Variants in CHST8 observed in about 807,000 individuals in gnomAD.
CHST8 encodes GALNAC-4-ST1.
CHST8 carries 10 observed loss-of-function variants against 15.0 expected under a neutral mutation model. The ratio of observed to expected loss-of-function variants is 0.67; its 90% CI spans 0.41 to 1.13. The LOEUF (loss-of-function observed/expected upper bound fraction) is 1.13, where lower values mean the gene tolerates loss of function less well. Ranked by LOEUF, CHST8 falls within the 50% of genes most tolerant of loss-of-function variation. The pLI, the probability that CHST8 is intolerant of heterozygous loss-of-function variation, is 0.00. For missense variants in CHST8, 634 were observed against 608.2 expected, an observed-to-expected ratio of 1.04 and a Z score of -0.45; for synonymous variants, 259 against 256.6, an observed-to-expected ratio of 1.01 and a Z score of -0.09.
intron 1 of CHST8, among the ~76,000 whole-genome samples, chr19:33,637,735 C>A (rs112361970): frequency 6.9e-6 from 1 of 145,060 alleles, no homozygotes; most frequent in Non-Finnish European, 1.5e-5. Flanking sequence ...TGGTGGCTCA[C>A]GCCTGTAATC....
intron 1 of CHST8, among the ~76,000 whole-genome samples, chr19:33,661,561 A>G (rs1197394723): frequency 6.6e-6 from 1 of 152,040 alleles, no homozygotes; most frequent in African/African-American, 2.4e-5. Context: ...CTAGCCCCCC[A>G]TGGCTGGGCC....
At chr19:33,760,577 C>A (rs1003605221) in intron 3 of CHST8, among the ~76,000 whole-genome samples, 1 of 152,022 alleles carries the variant, frequency 6.6e-6, no homozygotes, top group South Asian at 2.1e-4. Flanking sequence ...ATCTTGGCCT[C>A]CAAAGCACTG....
At chr19:33,752,806 T>C (rs1297190744) in intron 3 of CHST8, among the ~76,000 whole-genome samples, 1 of 152,252 alleles carries the variant, frequency 6.6e-6, no homozygotes, top group Non-Finnish European at 1.5e-5. Flanking sequence ...AGGTTATTTT[T>C]GCTTCTGAAG....
At chr19:33,689,613 G>T (rs1047016987) in intron 3 of CHST8, among the ~76,000 whole-genome samples, 3 of 152,242 alleles carry the variant, frequency 2.0e-5, no homozygotes, top group African/African-American at 7.2e-5. Context: ...CAGCAGGGTG[G>T]CCCCTTTTGG....
intron 2 of CHST8, among the ~76,000 whole-genome samples, chr19:33,670,146 T>C (rs1972718292): frequency 6.6e-6 from 1 of 152,118 alleles, no homozygotes. Flanking sequence ...TTCAACCTTG[T>C]TAGCAAAGTA....
At chr19:33,625,948 T>C (rs1277943574) in intron 1 of CHST8, among the ~76,000 whole-genome samples, 1 of 152,182 alleles carries the variant, frequency 6.6e-6, no homozygotes, top group Non-Finnish European at 1.5e-5. Context: ...TGGCTGGGCA[T>C]GAGCAATCTG....
chr19:33,648,930 G>A (rs544963302), intron 1 of CHST8, among the ~76,000 whole-genome samples: 1 of 87,938 alleles, frequency 1.1e-5, no homozygotes, highest in South Asian at 3.4e-4. Context: ...TTGAGTTGGA[G>A]TCTCGCTTTG....
intron 2 of CHST8, among the ~76,000 whole-genome samples, chr19:33,686,810 C>T (rs1972988457): frequency 6.6e-6 from 1 of 152,178 alleles, no homozygotes; most frequent in Non-Finnish European, 1.5e-5. Flanking sequence ...TGGGGACCAT[C>T]GATGGTATGT....
chr19:33,650,524 T>C (rs1600237036), intron 1 of CHST8, among the ~76,000 whole-genome samples: 2 of 106,634 alleles, frequency 1.9e-5, no homozygotes, highest in Admixed American at 9.2e-5. Flanking sequence ...TTTTCTTTTT[T>C]TTTTTTTTTT....
At chr19:33,765,070 A>ATATATATATATGTATGTATG (rs71181381) in intron 3 of CHST8, among the ~76,000 whole-genome samples, 1 of 113,156 alleles carries the variant, frequency 8.8e-6, no homozygotes, top group African/African-American at 4.2e-5. Flanking sequence ...ATATATATAT[A>ATATATATATATGTATGTATG]TATCAGAGTT....
intron 3 of CHST8, among the ~76,000 whole-genome samples, chr19:33,730,305 T>A (rs144376516): frequency 6.6e-6 from 1 of 152,338 alleles, no homozygotes; most frequent in East Asian, 1.9e-4. Flanking sequence ...GGAAGCAAGG[T>A]TGAAGCAGGG....
chr19:33,718,634 C>T (rs146807494), intron 3 of CHST8, among the ~76,000 whole-genome samples: 1 of 152,370 alleles, frequency 6.6e-6, no homozygotes, highest in Non-Finnish European at 1.5e-5. Context: ...CCATGGGCCC[C>T]TCTGTTTCAT....
chr19:33,742,104 A>G (rs1194348504), intron 3 of CHST8, among the ~76,000 whole-genome samples: 1 of 152,158 alleles, frequency 6.6e-6, no homozygotes, highest in Non-Finnish European at 1.5e-5. Context: ...TCCTTCCCCA[A>G]GTGTACACCT....
intron 3 of CHST8, among the ~76,000 whole-genome samples, chr19:33,758,896 G>A (rs1204843058): frequency 6.6e-6 from 1 of 151,274 alleles, no homozygotes; most frequent in Non-Finnish European, 1.5e-5. Flanking sequence ...AGGAAGTGTG[G>A]CCCCAGCATC....
At chr19:33,762,008 C>A (rs1974739776) in intron 3 of CHST8, among the ~76,000 whole-genome samples, 1 of 152,228 alleles carries the variant, frequency 6.6e-6, no homozygotes, top group Non-Finnish European at 1.5e-5. Flanking sequence ...ACACAGGAAG[C>A]AGGCACCTGT....
At chr19:33,624,583 G>C (rs940134581) in intron 1 of CHST8, among the ~76,000 whole-genome samples, 2 of 152,110 alleles carry the variant, frequency 1.3e-5, no homozygotes, top group Admixed American at 1.3e-4. Flanking sequence ...GTTCAAAAAC[G>C]ACTTTTTTGC....
chr19:33,649,366 AAC>A (rs1472467088), intron 1 of CHST8, among the ~76,000 whole-genome samples: 1 of 152,100 alleles, frequency 6.6e-6, no homozygotes, highest in Non-Finnish European at 1.5e-5. Flanking sequence ...CAGCTGAAAA[AAC>A]ACATGATTTA....
At chr19:33,695,975 A>G (rs1973210836) in intron 3 of CHST8, among the ~76,000 whole-genome samples, 1 of 151,448 alleles carries the variant, frequency 6.6e-6, no homozygotes, top group African/African-American at 2.4e-5. Context: ...ACAGGTGCCC[A>G]CCACCACACC....
chr19:33,743,265 A>G (rs920635697), intron 3 of CHST8, among the ~76,000 whole-genome samples: 1 of 134,018 alleles, frequency 7.5e-6, no homozygotes, highest in Admixed American at 7.4e-5. Flanking sequence ...GAGCCTTTTG[A>G]TCTCTTCCTG....
Sources: gnomAD v4.1 joint callset for allele counts (sites outside exome capture counted in the v4.1 genomes callset) on GRCh38, gnomAD v4.1.1 for gene constraint, MANE v1.5 for transcripts, NCBI Gene and HGNC (gene_info 2026-07-23, HGNC 2026-07-21) for gene names.